C4orf17: variants seen among roughly 807,000 people sequenced by gnomAD.
C4orf17 encodes the protein chromosome 4 open reading frame 17, also known as uncharacterized protein C4orf17.
In C4orf17, 25 loss-of-function variants were observed where a neutral mutation model predicts 32.0. The ratio of observed to expected loss-of-function variants is 0.78; its 90% CI spans 0.57 to 1.09. The LOEUF (loss-of-function observed/expected upper bound fraction) is 1.09, where lower values mean the gene tolerates loss of function less well. C4orf17 is among the 50% of genes least tolerant of loss of function. C4orf17 has a pLI of 0.00. For synonymous variants in C4orf17, 149 were observed against 145.8 expected (o/e 1.02, Z -0.16); for missense variants, 420 against 420.0 (o/e 1.00, Z 0.00).
intron 1 of C4orf17, among the ~76,000 whole-genome samples, chr4:99,512,340 T>C (rs1254125796): frequency 1.3e-5 from 2 of 152,210 alleles, no homozygotes; most frequent in Non-Finnish European, 2.9e-5. Context: ...CTTTCTCACA[T>C]GGTTGTGAAT....
chr4:99,524,831 T>C (rs1191518516), intron 4 of C4orf17, among the ~76,000 whole-genome samples: 1 of 152,226 alleles, frequency 6.6e-6, no homozygotes, highest in Non-Finnish European at 1.5e-5. Flanking sequence ...TCCCAAAAGT[T>C]TTCTCACGAT....
intron 6 of C4orf17, 52 bp from the exon 7 acceptor site, chr4:99,539,111 C>A: frequency 6.7e-7 from 1 of 1,500,974 alleles, no homozygotes; most frequent in Non-Finnish European, 9.3e-7. Flanking sequence ...TTCTATCCAA[C>A]ATGATAATTG....
intron 5 of C4orf17, among the ~76,000 whole-genome samples, chr4:99,532,066 A>C (rs1207527284): frequency 2.0e-5 from 3 of 152,078 alleles, no homozygotes; most frequent in African/African-American, 4.8e-5. Context: ...ATAACACCAA[A>C]ATGTCTGCCA....
intron 2 of C4orf17, among the ~76,000 whole-genome samples, chr4:99,518,540 T>TAA: frequency 1.5e-5 from 1 of 68,830 alleles, no homozygotes; most frequent in African/African-American, 8.2e-5. Context: ...TATATATATA[T>TAA]ATATAGAGAG....
chr4:99,513,983 C>T (rs907316057), intron 2 of C4orf17, among the ~76,000 whole-genome samples: 5 of 152,056 alleles, frequency 3.3e-5, no homozygotes, highest in Non-Finnish European at 5.9e-5. Context: ...AGCCAATTCA[C>T]CTAGGATGGG....
intron 3 of C4orf17, 112 bp downstream of exon 3, chr4:99,522,821 C>A (rs776793298): frequency 7.7e-5 from 60 of 775,008 alleles, no homozygotes; most frequent in Non-Finnish European, 1.2e-4. Flanking sequence ...CAAGTTTCCT[C>A]ACTGTGAGGA....
chr4:99,542,277 G>A lies in C4orf17; in HGVS notation c.*168G>A. On this transcript the variant is annotated 3_prime_UTR_variant, in exon 9 of 9. Coordinates refer to ENST00000326581, the MANE Select transcript of C4orf17 (RefSeq NM_032149.3). ...TGTAATGCTACAAATAAATATTACTGGAAATGATATTTCCATTTGTAGTTA... is the reference window on the plus strand; with the variant it reads ...TGTAATGCTACAAATAAATATTACTAGAAATGATATTTCCATTTGTAGTTA... 4.7e-6 allele frequency: 3 copies of A among 632,600 alleles called. No homozygotes were observed. Among genetic ancestry groups the A allele is most frequent in the Non-Finnish European group, 8.4e-6 (3 of 357,824 alleles). 39.2% of individuals were successfully genotyped at this position (632,600 alleles called of 1,614,324 possible). A position where few individuals can be genotyped will look rare whatever the true frequency, so the allele number is the denominator to read the frequency against.
Position 99,542,175 on chromosome 4 carries a change from T to C in C4orf17, c.*66T>C. On this transcript the variant is annotated 3_prime_UTR_variant, in exon 9 of 9. Coordinates refer to ENST00000326581, the MANE Select transcript of C4orf17 (RefSeq NM_032149.3). ...CACATTTACATCATCAAATTATTTTTCAAATGAATATTTTTGGTATTGAGG... is the reference window on the plus strand; with the variant it reads ...CACATTTACATCATCAAATTATTTTCCAAATGAATATTTTTGGTATTGAGG... The C allele has an allele frequency of 7.0e-7, 1 of 1,437,766 alleles. No homozygotes were observed. Among genetic ancestry groups the C allele is most frequent in the Non-Finnish European group, 9.7e-7 (1 of 1,026,852 alleles). 89.1% of individuals were successfully genotyped at this position (1,437,766 alleles called of 1,614,324 possible). A position where few individuals can be genotyped will look rare whatever the true frequency, so the allele number is the denominator to read the frequency against.
At chr4:99,524,408 TTGACCTTA>T in intron 3 of C4orf17, 105 bp from the exon 4 acceptor site, 1 of 579,582 alleles carries the variant, frequency 1.7e-6, no homozygotes, top group Non-Finnish European at 3.0e-6. Context: ...GATTCCTGAA[TTGACCTTA>T]AAGTCAGAAA....
intron 2 of C4orf17, among the ~76,000 whole-genome samples, chr4:99,518,971 A>G (rs1470139556): frequency 3.9e-5 from 6 of 152,130 alleles, no homozygotes; most frequent in Admixed American, 2.6e-4. Context: ...TTTTCTTTAA[A>G]GTAATTGTCT....
Position 99,512,973 on chromosome 4 carries a change from C to A in C4orf17, c.-93-16C>A. 9.4e-7 allele frequency: 1 copy of A among 1,069,166 alleles called. No individual in the cohort carries two copies. The highest frequency in any genetic ancestry group is 1.4e-6 in the Non-Finnish European group (1 of 735,510). The allele number at this position is 1,069,166 out of a possible 1,614,324, so 66.2% of individuals were successfully genotyped here. A position where few individuals can be genotyped will look rare whatever the true frequency, so the allele number is the denominator to read the frequency against. On this transcript the variant is annotated splice_polypyrimidine_tract_variant and intron_variant, in intron 1 of 8. Transcript: ENST00000326581. ...AAGAAACTCTTGTCAGAATGTTTGT[C>A]ATTTTGTGATTTCAGGGTCTGAGCA...
At chr4:99,528,532 T>G (rs72906785) in intron 4 of C4orf17, among the ~76,000 whole-genome samples, 3,729 of 152,314 alleles carry the variant, frequency 0.024, 150 homozygotes, top group African/African-American at 0.084. Context: ...TATTTCTTCT[T>G]TGACTCATGA....
At chr4:99,521,422 A>G (rs1723286243) in intron 2 of C4orf17, among the ~76,000 whole-genome samples, 1 of 152,180 alleles carries the variant, frequency 6.6e-6, no homozygotes, top group Non-Finnish European at 1.5e-5. Flanking sequence ...CATATTGTGT[A>G]TTTAAGATCT....
intron 7 of C4orf17, among the ~76,000 whole-genome samples, chr4:99,540,203 A>T (rs566922310): frequency 6.6e-6 from 1 of 152,270 alleles, no homozygotes; most frequent in African/African-American, 2.4e-5. Context: ...AATGACTAAC[A>T]TATGATACAA....
chr4:99,538,686 A>G (rs1393835382), intron 6 of C4orf17, among the ~76,000 whole-genome samples: 4 of 152,200 alleles, frequency 2.6e-5, no homozygotes, highest in Admixed American at 6.5e-5. Context: ...TGAACCAGAA[A>G]GAAAAAAAGA....
chr4:99,535,813 C>A (rs963237021), intron 5 of C4orf17, among the ~76,000 whole-genome samples: 8 of 152,090 alleles, frequency 5.3e-5, no homozygotes, highest in South Asian at 2.1e-4. Flanking sequence ...AGAAGCAGCA[C>A]CCTGGCTTTT....
intron 2 of C4orf17, 22 bp downstream of exon 2, chr4:99,513,230 G>C (rs1437990615): frequency 1.2e-6 from 2 of 1,613,252 alleles, no homozygotes; most frequent in Non-Finnish European, 1.7e-6. Flanking sequence ...TAAGGTCCTA[G>C]TATGTGTCTC....
At chr4:99,537,642 A>T in intron 5 of C4orf17, 27 bp from the exon 6 acceptor site, 2 of 1,527,134 alleles carry the variant, frequency 1.3e-6, no homozygotes, top group South Asian at 2.2e-5. Flanking sequence ...TTATTTGCTC[A>T]TATGTAACTC....
At chr4:99,534,057 G>A (rs1245202767) in intron 5 of C4orf17, among the ~76,000 whole-genome samples, 1 of 152,136 alleles carries the variant, frequency 6.6e-6, no homozygotes, top group Non-Finnish European at 1.5e-5. Flanking sequence ...ATGCCCTGGT[G>A]GTTTGCTGCA....
Sources: gnomAD v4.1 joint callset for allele counts (sites outside exome capture counted in the v4.1 genomes callset) on GRCh38, gnomAD v4.1.1 for gene constraint, MANE v1.5 for transcripts, NCBI Gene and HGNC (gene_info 2026-07-23, HGNC 2026-07-21) for gene names.